The following PDE4D variants were observed in gnomAD, a reference collection of about 807,000 sequenced individuals.
The protein encoded by PDE4D is phosphodiesterase 4D.
Under a neutral mutation model 87.4 loss-of-function variants are expected in PDE4D, and 24 were observed. The ratio of observed to expected loss-of-function variants is 0.27; its 90% CI spans 0.20 to 0.39. The LOEUF is 0.39. Among genes scored for constraint, PDE4D ranks in the 10% least tolerant of loss-of-function variants. The pLI is 1.00. For synonymous variants in PDE4D, 384 were observed against 383.2 expected (o/e 1.00, Z -0.02); for missense variants, 714 against 1,041.0 (o/e 0.69, Z 4.32).
chr5:60,360,677 C>T (rs1407057451), intron 1 of PDE4D, among the ~76,000 whole-genome samples: 1 of 152,186 alleles, frequency 6.6e-6, no homozygotes, highest in East Asian at 1.9e-4. Flanking sequence ...TCATCCATAC[C>T]TAATGCTATA....
At chr5:59,522,192 T>C (rs1266789017) in intron 1 of PDE4D, among the ~76,000 whole-genome samples, 1 of 152,244 alleles carries the variant, frequency 6.6e-6, no homozygotes, top group Non-Finnish European at 1.5e-5. Flanking sequence ...ATTGAATGGC[T>C]ATCATTTAAA....
chr5:60,456,191 G>A (rs1746454041), intron 1 of PDE4D, among the ~76,000 whole-genome samples: 1 of 152,178 alleles, frequency 6.6e-6, no homozygotes, highest in African/African-American at 2.4e-5. Flanking sequence ...ACTTAGGTAG[G>A]AATTGTGGGG....
chr5:59,733,681 G>A (rs1445083379), intron 1 of PDE4D, among the ~76,000 whole-genome samples: 4 of 151,994 alleles, frequency 2.6e-5, no homozygotes, highest in African/African-American at 9.7e-5. Context: ...GTCAACATAT[G>A]CCTAATCATC....
chr5:59,167,124 T>C (rs1782037363), intron 5 of PDE4D, among the ~76,000 whole-genome samples: 1 of 152,196 alleles, frequency 6.6e-6, no homozygotes, highest in South Asian at 2.1e-4. Flanking sequence ...GGTATAATTA[T>C]TACCCACCAC....
chr5:59,549,581 A>G (rs1817784026), intron 1 of PDE4D, among the ~76,000 whole-genome samples: 1 of 152,198 alleles, frequency 6.6e-6, no homozygotes, highest in Admixed American at 6.6e-5. Flanking sequence ...AGGGTTTCAA[A>G]TGGTAGATGA....
intron 1 of PDE4D, among the ~76,000 whole-genome samples, chr5:60,213,045 A>C (rs1478127379): frequency 6.6e-6 from 1 of 152,136 alleles, no homozygotes; most frequent in Non-Finnish European, 1.5e-5. Context: ...TTCCTTATCC[A>C]TGTCATCCAT....
At chr5:60,265,990 T>C (rs1583254351) in intron 1 of PDE4D, among the ~76,000 whole-genome samples, 1 of 152,242 alleles carries the variant, frequency 6.6e-6, no homozygotes, top group East Asian at 1.9e-4. Flanking sequence ...CCTCCTGAGA[T>C]GGCAGACAGC....
chr5:60,439,170 C>A (rs962975021), intron 1 of PDE4D, among the ~76,000 whole-genome samples: 20 of 152,036 alleles, frequency 1.3e-4, no homozygotes, highest in Non-Finnish European at 2.4e-4. Context: ...TTTAAATTCC[C>A]AAAATACCTT....
At chr5:59,753,573 A>G (rs1000868815) in intron 1 of PDE4D, among the ~76,000 whole-genome samples, 3 of 152,196 alleles carry the variant, frequency 2.0e-5, no homozygotes, top group Non-Finnish European at 2.9e-5. Context: ...GACAGTTGGA[A>G]TTGAACAGAG....
chr5:60,384,150 A>G (rs1762048322), intron 1 of PDE4D, among the ~76,000 whole-genome samples: 1 of 152,188 alleles, frequency 6.6e-6, no homozygotes, highest in Non-Finnish European at 1.5e-5. Flanking sequence ...ACTTGAAACT[A>G]AAAAACAGCA....
chr5:59,977,459 G>A (rs1055560615), intron 3 of PDE4D, among the ~76,000 whole-genome samples: 1 of 152,246 alleles, frequency 6.6e-6, no homozygotes. Flanking sequence ...TGCCAGCAGA[G>A]GGTGGTTCAT....
intron 3 of PDE4D, among the ~76,000 whole-genome samples, chr5:59,900,207 T>C (rs1024131307): frequency 2.0e-5 from 3 of 148,508 alleles, no homozygotes; most frequent in African/African-American, 5.0e-5. Flanking sequence ...ACCACTGCAC[T>C]CTAACCCAGG....
chr5:60,325,033 A>C (rs1756658223), intron 1 of PDE4D, among the ~76,000 whole-genome samples: 1 of 152,234 alleles, frequency 6.6e-6, no homozygotes. Context: ...CCAGGCTATA[A>C]GTTACAGCAT....
intron 2 of PDE4D, among the ~76,000 whole-genome samples, chr5:60,013,577 T>C (rs1283334849): frequency 6.6e-6 from 1 of 152,158 alleles, no homozygotes; most frequent in East Asian, 1.9e-4. Flanking sequence ...CACAGCAATT[T>C]GCCCTAAGTT....
chr5:59,357,070 G>C (rs1781500689), intron 1 of PDE4D: 6 of 445,996 alleles, frequency 1.3e-5, no homozygotes, highest in Non-Finnish European at 2.3e-5. Flanking sequence ...CTTTGCGACA[G>C]AGTTTGCTTC....
chr5:59,057,037 C>T (rs1307031584), intron 5 of PDE4D, among the ~76,000 whole-genome samples: 3 of 152,134 alleles, frequency 2.0e-5, no homozygotes, highest in African/African-American at 7.2e-5. Context: ...CTTTGCAGGG[C>T]AAAGAATGGT....
chr5:59,744,297 T>G (rs1759291582), intron 1 of PDE4D, among the ~76,000 whole-genome samples: 1 of 152,146 alleles, frequency 6.6e-6, no homozygotes, highest in Non-Finnish European at 1.5e-5. Flanking sequence ...ATAGAACACT[T>G]TGGAGTTAAT....
chr5:60,284,887 TACTCTTTTGATGTAGAGCC>T (rs1414675845), intron 1 of PDE4D, among the ~76,000 whole-genome samples: 1 of 145,170 alleles, frequency 6.9e-6, no homozygotes, highest in Non-Finnish European at 1.5e-5. Context: ...CATAGTTGGC[TACTCTTTTGATGTAGAGCC>T]AAGGCCTTTG....
chr5:60,501,453 A>G (rs1750072807), intron 1 of PDE4D, among the ~76,000 whole-genome samples: 1 of 151,858 alleles, frequency 6.6e-6, no homozygotes, highest in Non-Finnish European at 1.5e-5. Flanking sequence ...TAGAGCCGCA[A>G]TAAACATACG....
Sources: allele counts gnomAD v4.1 joint callset (sites outside exome capture counted in the v4.1 genomes callset), GRCh38; gene constraint gnomAD v4.1.1; transcripts MANE v1.5; gene names NCBI Gene and HGNC (gene_info 2026-07-23, HGNC 2026-07-21).